The following USP14 variants were observed in gnomAD, a reference collection of about 807,000 sequenced individuals.
USP14 encodes the protein ubiquitin carboxyl-terminal hydrolase 14.
USP14 carries 38 observed loss-of-function variants against 76.5 expected under a neutral mutation model. The ratio of observed to expected loss-of-function variants is 0.50; its 90% confidence interval spans 0.38 to 0.65. The LOEUF (loss-of-function observed/expected upper bound fraction) is 0.65. Among genes scored for constraint, USP14 ranks in the 30% least tolerant of loss-of-function variants. USP14 has a pLI of 0.00. For missense variants in USP14, 467 were observed against 586.5 expected, an observed-to-expected ratio of 0.80 and a Z score of 2.10; for synonymous variants, 192 against 191.7, an observed-to-expected ratio of 1.00 and a Z score of -0.01.
chr18:186,411 A>G (rs1327560464), intron 5 of USP14, among the ~76,000 whole-genome samples: 1 of 152,046 alleles, frequency 6.6e-6, no homozygotes, highest in Non-Finnish European at 1.5e-5. Context: ...AGCTGTGATG[A>G]TGCCACTGCA....
intron 3 of USP14, among the ~76,000 whole-genome samples, chr18:173,108 T>C (rs1321699948): frequency 7.0e-6 from 1 of 142,540 alleles, no homozygotes; most frequent in East Asian, 2.0e-4. Context: ...ATTGTCTGTC[T>C]TTTTTTTTTT....
At chr18:176,789 ATTG>A (rs773637527) in intron 3 of USP14, among the ~76,000 whole-genome samples, 91 of 152,068 alleles carry the variant, frequency 6.0e-4, no homozygotes, top group African/African-American at 1.7e-3. Flanking sequence ...TCTTTAATTA[ATTG>A]TTGTTGTGGT....
At position 214,134 on chromosome 18, in the gene USP14, C is replaced by T; in HGVS notation, c.*2850C>T. ...TTAGTTAGTTAGTTATGAGTGAGCA[C>T]AGCTGGGTGCCAGTACAATTTTAAT... On this transcript the variant is annotated 3_prime_UTR_variant, in exon 16 of 16. Transcript: ENST00000261601. The T allele has an allele frequency of 6.4e-6, 1 of 155,908 alleles. No homozygotes were observed. The allele number at this position is 155,908 out of a possible 1,614,324, so 9.7% of individuals were successfully genotyped here. A position where few individuals can be genotyped will look rare whatever the true frequency, so the allele number is the denominator to read the frequency against.
At chr18:169,838 T>C (rs1318866509) in intron 3 of USP14, among the ~76,000 whole-genome samples, 1 of 152,156 alleles carries the variant, frequency 6.6e-6, no homozygotes, top group Non-Finnish European at 1.5e-5. Context: ...ATGTTGATCT[T>C]TGATGTTACT....
chr18:211,245 T>G lies in USP14; in HGVS notation c.1446T>G (p.Pro482=), dbSNP rs1353248202. Residue 482 remains proline (P), a synonymous_variant, in exon 16 of 16, where the codon CCT becomes CCG. Transcript: ENST00000261601. ...WHIAYVLLYG[P]RRVEIMEEES... The stretch of plus-strand genomic sequence containing the variant: ...TCGCTTACGTTCTACTCTATGGGCC[T>G]CGCAGAGTTGAAATAATGGAAGAGG... 2 of 1,612,816 alleles carry G rather than the reference T, an allele frequency of 1.2e-6. No homozygotes were observed. Among genetic ancestry groups the G allele is most frequent in the Non-Finnish European group, 1.7e-6 (2 of 1,179,314 alleles).
chr18:188,776 C>A (rs958870804), intron 5 of USP14, among the ~76,000 whole-genome samples: 1 of 152,040 alleles, frequency 6.6e-6, no homozygotes, highest in African/African-American at 2.4e-5. Context: ...CTCCTGGGTT[C>A]GAGCGATTCT....
At chr18:204,140 C>T (rs983755909) in intron 12 of USP14, among the ~76,000 whole-genome samples, 7 of 151,524 alleles carry the variant, frequency 4.6e-5, no homozygotes, top group Non-Finnish European at 7.4e-5. Context: ...ATATATACTA[C>T]TATAAGCTAT....
At chr18:169,149 G>T (rs534807715) in intron 3 of USP14, among the ~76,000 whole-genome samples, 5 of 151,742 alleles carry the variant, frequency 3.3e-5, no homozygotes, top group African/African-American at 1.2e-4. Flanking sequence ...CCAGCACTTT[G>T]GGAGGCCAAG....
chr18:163,337 G>A lies in USP14; in HGVS notation c.46G>A (p.Glu16Lys), dbSNP rs756796146. The change falls in exon 2 of 16, where the codon GAA becomes AAA. Residue 16 changes from glutamate (E) to lysine (K), a missense_variant. By Grantham distance (56) the Glu-to-Lys change is moderately conservative. Transcript: ENST00000261601. Reference sequence around the variant, plus strand: ...TGTAAAATGGGGAAAGGAGAAATTTGAAGGTGTAGAATTGAATACAGATGA... The same window carrying A: ...TGTAAAATGGGGAAAGGAGAAATTTAAAGGTGTAGAATTGAATACAGATGA... ...VTVKWGKEKF[E>K]GVELNTDEPP... is the part of the protein sequence containing the mutation. 8.7e-6 allele frequency: 14 copies of A among 1,610,294 alleles called. No individual in the cohort carries two copies. Among genetic ancestry groups the A allele is most frequent in the Non-Finnish European group, 1.2e-5 (14 of 1,178,542 alleles).
intron 2 of USP14, among the ~76,000 whole-genome samples, 160 bp downstream of exon 2, chr18:163,613 A>C (rs1158483341): frequency 6.6e-6 from 1 of 152,166 alleles, no homozygotes; most frequent in African/African-American, 2.4e-5. Flanking sequence ...TGCCTGTTAG[A>C]GTAAGGGAGA....
At chr18:171,917 C>A (rs1172569943) in intron 3 of USP14, among the ~76,000 whole-genome samples, 1 of 152,104 alleles carries the variant, frequency 6.6e-6, no homozygotes, top group Non-Finnish European at 1.5e-5. Flanking sequence ...GAGGATACAA[C>A]TGCACATGTG....
At chr18:167,747 C>T (rs909314535) in intron 3 of USP14, among the ~76,000 whole-genome samples, 1 of 151,900 alleles carries the variant, frequency 6.6e-6, no homozygotes, top group Non-Finnish European at 1.5e-5. Flanking sequence ...AACTCCAGGG[C>T]TCAAGCGATC....
intron 9 of USP14, among the ~76,000 whole-genome samples, chr18:198,912 C>T (rs1910314248): frequency 1.3e-5 from 2 of 152,038 alleles, no homozygotes; most frequent in Admixed American, 1.3e-4. Context: ...ATTTATGTAC[C>T]TTTGGGCTTC....
intron 9 of USP14, among the ~76,000 whole-genome samples, chr18:198,436 C>T (rs1384817576): frequency 6.6e-6 from 1 of 152,090 alleles, no homozygotes; most frequent in African/African-American, 2.4e-5. Context: ...GGGTTTCACC[C>T]TCTTGGTCAG....
chr18:165,898 C>T (rs185965324), intron 2 of USP14, among the ~76,000 whole-genome samples: 3 of 152,046 alleles, frequency 2.0e-5, no homozygotes, highest in African/African-American at 7.2e-5. Flanking sequence ...TATTGGGTAC[C>T]CGATACCTTC....
chr18:205,498 G>T (rs1910505265), intron 13 of USP14, among the ~76,000 whole-genome samples: 1 of 152,156 alleles, frequency 6.6e-6, no homozygotes, highest in Non-Finnish European at 1.5e-5. Context: ...AGTTGGCCAG[G>T]CATGGTGGCT....
chr18:177,712 A>G (rs2144231146), intron 3 of USP14, among the ~76,000 whole-genome samples: 1 of 150,644 alleles, frequency 6.6e-6, no homozygotes, highest in East Asian at 2.0e-4. Flanking sequence ...CAATTAAGAT[A>G]CTGAGTAAGA....
intron 13 of USP14, among the ~76,000 whole-genome samples, chr18:205,024 G>A (rs1386370580): frequency 6.6e-6 from 1 of 151,790 alleles, no homozygotes; most frequent in Non-Finnish European, 1.5e-5. Flanking sequence ...ACAGGCGTGC[G>A]CCACCATGCC....
intron 6 of USP14, among the ~76,000 whole-genome samples, chr18:193,696 T>A (rs1910154295): frequency 6.6e-6 from 1 of 152,210 alleles, no homozygotes; most frequent in South Asian, 2.1e-4. Context: ...ATATGTAGTC[T>A]CTTGTGACTG....
Sources: allele counts gnomAD v4.1 joint callset (sites outside exome capture counted in the v4.1 genomes callset), GRCh38; gene constraint gnomAD v4.1.1; transcripts MANE v1.5; gene names NCBI Gene and HGNC (gene_info 2026-07-23, HGNC 2026-07-21).